Variants in PPA1 observed in about 807,000 individuals in gnomAD.
The protein encoded by PPA1 is inorganic pyrophosphatase 1, also known as inorganic pyrophosphatase.
A neutral mutation model predicts 41.8 loss-of-function variants in PPA1; 23 were observed. The ratio of observed to expected loss-of-function variants is 0.55; its 90% CI spans 0.40 to 0.78. The LOEUF (loss-of-function observed/expected upper bound fraction) is 0.78, where lower values mean the gene tolerates loss of function less well. Among genes scored for constraint, PPA1 ranks in the 30% least tolerant of loss-of-function variants. The pLI is 0.00. For missense variants in PPA1, 320 were observed against 361.6 expected (o/e 0.89, Z 0.93); for synonymous variants, 101 against 116.8 (o/e 0.86, Z 0.87).
chr10:70,203,269 C>T, intron 10 of PPA1, 83 bp from the exon 11 acceptor site: 2 of 1,224,698 alleles, frequency 1.6e-6, no homozygotes, highest in South Asian at 1.3e-5. Flanking sequence ...GACTAATATA[C>T]TTGCTTTAAT....
intron 6 of PPA1, chr10:70,210,378 A>T: frequency 2.9e-6 from 4 of 1,365,484 alleles, no homozygotes; most frequent in Non-Finnish European, 3.9e-6. Flanking sequence ...TCCCTGGTCC[A>T]GAGGCAGAGG....
chr10:70,233,264 T>A lies in PPA1; in HGVS notation c.64A>T (p.Lys22Ter). ...PFSLEYRVFL[K>*]NEKGQYISPF... ...GGGGCCACGGGCCGCAGACACTCACTGAGGAAGACTCGGTACTCCAGGGAG... is the reference window on the plus strand; with the variant it reads ...GGGGCCACGGGCCGCAGACACTCACAGAGGAAGACTCGGTACTCCAGGGAG... Residue 22 changes from lysine to a stop codon, truncating the protein, a stop_gained and splice_region_variant, in exon 1 of 11, where the codon AAA (lysine) becomes TAA (stop). Transcript: ENST00000373232. LOFTEE classifies it high-confidence loss of function. 1 of 1,540,190 alleles carries A rather than the reference T, an allele frequency of 6.5e-7. No homozygotes were observed. Among genetic ancestry groups the A allele is most frequent in the Non-Finnish European group, 8.7e-7 (1 of 1,143,464 alleles).
At chr10:70,224,265 A>G (rs1351439880) in intron 2 of PPA1, among the ~76,000 whole-genome samples, 1 of 151,562 alleles carries the variant, frequency 6.6e-6, no homozygotes. Flanking sequence ...AAAAAAAAAA[A>G]AGTCTATTTC....
At chr10:70,221,606 A>AT (rs1348154324) in intron 2 of PPA1, among the ~76,000 whole-genome samples, 1 of 152,202 alleles carries the variant, frequency 6.6e-6, no homozygotes, top group Non-Finnish European at 1.5e-5. Context: ...GTTTTCAAGT[A>AT]TTTTGTCCAC....
At chr10:70,204,940 ATTAGTCTAATC>A (rs1589889176) in intron 9 of PPA1, 25 bp from the exon 10 acceptor site, 1 of 1,544,954 alleles carries the variant, frequency 6.5e-7, no homozygotes. Flanking sequence ...ATTAAAATCT[ATTAGTCTAATC>A]TCATTTTTTA....
intron 2 of PPA1, among the ~76,000 whole-genome samples, chr10:70,224,922 G>C (rs988716225): frequency 4.0e-5 from 6 of 149,232 alleles, no homozygotes; most frequent in African/African-American, 1.5e-4. Context: ...GTAGAGACAG[G>C]GTTTCTCCAT....
At chr10:70,229,035 C>T (rs1840260104) in intron 2 of PPA1, among the ~76,000 whole-genome samples, 1 of 152,174 alleles carries the variant, frequency 6.6e-6, no homozygotes, top group Non-Finnish European at 1.5e-5. Context: ...GTGAATCAAA[C>T]TTCCTTACTG....
At chr10:70,228,831 G>C (rs191067011) in intron 2 of PPA1, among the ~76,000 whole-genome samples, 10 of 152,310 alleles carry the variant, frequency 6.6e-5, no homozygotes, top group Non-Finnish European at 1.5e-4. Flanking sequence ...CTTCCTGGTA[G>C]AAGTGCAATG....
intron 2 of PPA1, among the ~76,000 whole-genome samples, chr10:70,223,695 G>T (rs1335848739): frequency 6.6e-6 from 1 of 152,112 alleles, no homozygotes; most frequent in Non-Finnish European, 1.5e-5. Context: ...TATAGCAACA[G>T]AGTTGCTATA....
chr10:70,229,521 T>C (rs563498416), intron 2 of PPA1, among the ~76,000 whole-genome samples: 13 of 152,242 alleles, frequency 8.5e-5, no homozygotes, highest in Non-Finnish European at 1.8e-4. Flanking sequence ...GTTAGGTTTC[T>C]TCTCACTGGT....
chr10:70,210,437 T>C (rs1417057658), intron 6 of PPA1: 2 of 1,363,412 alleles, frequency 1.5e-6, no homozygotes, highest in Non-Finnish European at 2.0e-6. Flanking sequence ...ATAAGAAAAA[T>C]AGATTAGATT....
At chr10:70,208,166 G>A in intron 8 of PPA1, among the ~76,000 whole-genome samples, 1 of 152,054 alleles carries the variant, frequency 6.6e-6, no homozygotes, top group East Asian at 1.9e-4. Flanking sequence ...CTCCAGCCTG[G>A]GCAACAAGAG....
At chr10:70,222,161 C>T (rs1840177924) in intron 2 of PPA1, among the ~76,000 whole-genome samples, 1 of 151,726 alleles carries the variant, frequency 6.6e-6, no homozygotes, top group Admixed American at 6.6e-5. Context: ...CAGTGAAAAA[C>T]CGTGTCTACT....
At chr10:70,225,576 T>G (rs1840221497) in intron 2 of PPA1, among the ~76,000 whole-genome samples, 2 of 151,790 alleles carry the variant, frequency 1.3e-5, no homozygotes, top group Admixed American at 1.3e-4. Context: ...ACAGTAGAGG[T>G]AGAGAGAATT....
intron 10 of PPA1, chr10:70,204,507 T>C (rs1446492148): frequency 1.6e-5 from 3 of 184,864 alleles, no homozygotes; most frequent in African/African-American, 2.4e-5. Flanking sequence ...AGTAGAATGG[T>C]GGTTGCCAGG....
intron 2 of PPA1, among the ~76,000 whole-genome samples, chr10:70,224,061 A>G (rs1840203259): frequency 6.6e-6 from 1 of 152,142 alleles, no homozygotes; most frequent in African/African-American, 2.4e-5. Context: ...CCAGTGGGGG[A>G]TAAGGGAAAA....
intron 6 of PPA1, 126 bp from the exon 7 acceptor site, chr10:70,209,811 A>T: frequency 8.8e-7 from 1 of 1,135,874 alleles, no homozygotes; most frequent in Non-Finnish European, 1.3e-6. Context: ...ACTTATTTTG[A>T]AAGAGCTGTG....
intron 4 of PPA1, among the ~76,000 whole-genome samples, chr10:70,215,815 C>T (rs1840074182): frequency 6.6e-6 from 1 of 152,182 alleles, no homozygotes; most frequent in African/African-American, 2.4e-5. Context: ...AGTATCATCA[C>T]TGACCAGGAG....
At position 70,214,520 on chromosome 10, in the gene PPA1, C is replaced by T. The variant is rs767037181; in HGVS notation, c.364G>A (p.Val122Met). 7.4e-6 allele frequency: 12 copies of T among 1,613,368 alleles called. No homozygotes were observed. The highest frequency in any genetic ancestry group is 9.3e-6 in the Non-Finnish European group (11 of 1,179,590). The change falls in exon 5 of 11, where the codon GTG becomes ATG. Residue 122 changes from valine to methionine, a missense_variant. Coordinates refer to ENST00000373232, the MANE Select transcript of PPA1 (RefSeq NM_021129.4). The stretch of plus-strand genomic sequence containing the variant: ...ATTACCTTGCTTCCAATTTCACACA[C>T]ATCAATTGGGTCATTGTCACCACAA... ...GCCGDNDPID[V>M]CEIGSKVCAR...
Sources: gnomAD v4.1 joint callset for allele counts (sites outside exome capture counted in the v4.1 genomes callset) on GRCh38, gnomAD v4.1.1 for gene constraint, MANE v1.5 for transcripts, NCBI Gene and HGNC (gene_info 2026-07-23, HGNC 2026-07-21) for gene names.